Variants in WNK3 observed in about 807,000 individuals in gnomAD.
WNK3 encodes WNK lysine deficient protein kinase 3.
WNK3 carries 18 observed loss-of-function variants against 116.7 expected under a neutral mutation model. That is an observed-to-expected ratio of 0.15 (90% CI 0.11 to 0.23). The LOEUF (loss-of-function observed/expected upper bound fraction) is 0.23, where lower values mean the gene tolerates loss of function less well. WNK3 is among the 10% of genes least tolerant of loss of function. The probability of loss-of-function intolerance (pLI) is 1.00; values close to 1 mark genes in which losing one functional copy is unlikely to be tolerated. For synonymous variants in WNK3, 404 were observed against 469.4 expected (o/e 0.86, Z 1.80); for missense variants, 993 against 1,323.8 (o/e 0.75, Z 3.88).
intron 7 of WNK3, among the ~76,000 whole-genome samples, chrX:54,296,750 G>C (rs989289634): frequency 9.0e-6 from 1 of 111,066 alleles, no homozygotes; most frequent in Admixed American, 9.6e-5. Context: ...CAGATGGTTT[G>C]TACTCGGCTG....
intron 8 of WNK3, among the ~76,000 whole-genome samples, chrX:54,293,886 G>T (rs958238455): frequency 8.9e-6 from 1 of 112,019 alleles, no homozygotes; most frequent in Admixed American, 9.5e-5. Context: ...TTTATTAAAC[G>T]ATGTACGTGG....
chrX:54,264,688 T>C (rs782788522), intron 10 of WNK3, among the ~76,000 whole-genome samples: 2 of 111,037 alleles, frequency 1.8e-5, no homozygotes, highest in East Asian at 2.8e-4. Context: ...TAGAACTGAA[T>C]TGAGGGGAGC....
chrX:54,283,633 G>A (rs984701446), intron 10 of WNK3, among the ~76,000 whole-genome samples: 5 of 109,168 alleles, frequency 4.6e-5, no homozygotes, highest in African/African-American at 1.7e-4. Flanking sequence ...GCCGGGCGTG[G>A]TGGCAGGCGC....
chrX:54,312,564 A>G (rs2068900439), intron 2 of WNK3, among the ~76,000 whole-genome samples: 1 of 109,334 alleles, frequency 9.1e-6, no homozygotes, highest in Non-Finnish European at 1.9e-5. Flanking sequence ...CAGCCTCTTG[A>G]GTAGCTGGGA....
In WNK3 at chrX:54,234,244, C is replaced by T. The variant is rs782476765; in HGVS notation, c.4629-1224G>A. On this transcript the variant is annotated intron_variant, in intron 20 of 23. Coordinates refer to ENST00000354646, the Ensembl canonical transcript of WNK3. ...TTAAATATTAGCTGGATGTGTTACA[C>T]GTCTGTAGGCCCAGATACTTGGGAA... 1.7e-4 allele frequency among the ~76,000 whole-genome samples: 19 copies of T among 109,910 alleles called. 1 individual carries two copies. In the South Asian group the frequency reaches 6.0e-3, roughly 35 times the overall value.
chrX:54,243,072 CT>C (rs1355319715), intron 17 of WNK3, among the ~76,000 whole-genome samples: 1 of 110,053 alleles, frequency 9.1e-6, no homozygotes, highest in Non-Finnish European at 1.9e-5. Flanking sequence ...CTTGGCTTCC[CT>C]AAATCCTGGG....
At chrX:54,233,126 A>G (rs2067920476) in intron 20 of WNK3, 106 bp from the exon 21 acceptor site, 2 of 607,572 alleles carry the variant, frequency 3.3e-6, no homozygotes, top group Non-Finnish European at 5.1e-6. Flanking sequence ...AATTTAGATT[A>G]AGAATGGGGA....
rs1316700519 is a variant in WNK3 at position 54,281,431 on chromosome X, C to G, written c.2037+11457G>C. Among the ~76,000 whole-genome samples the G allele has an allele frequency of 2.7e-5, 3 of 111,314 alleles. No homozygotes were observed. In the Admixed American group the frequency reaches 2.9e-4, roughly 11 times the overall value. ...ACCCAGGAGGCAGAGGTTGTGTGAG[C>G]CAAGATTGCACCCCTGCACTCCAGC... On this transcript the variant is annotated intron_variant, in intron 10 of 23. Transcript: ENST00000354646.
At chrX:54,221,320 G>T (rs1041187863) in intron 22 of WNK3, among the ~76,000 whole-genome samples, 3 of 111,941 alleles carry the variant, frequency 2.7e-5, no homozygotes, top group Non-Finnish European at 5.6e-5. Context: ...CAGTATAAAT[G>T]TACTTTGTAT....
At chrX:54,231,714 C>A (rs1449774335) in intron 21 of WNK3, among the ~76,000 whole-genome samples, 1 of 112,096 alleles carries the variant, frequency 8.9e-6, no homozygotes, top group Non-Finnish European at 1.9e-5. Context: ...TTAATCCCAT[C>A]TGCAAGCTTA....
chrX:54,233,656 T>C (rs1557149563), intron 20 of WNK3, among the ~76,000 whole-genome samples: 1 of 109,474 alleles, frequency 9.1e-6, no homozygotes, highest in African/African-American at 3.3e-5. Context: ...TAAAACAAAA[T>C]GTAAAGTCAA....
At chrX:54,263,146 G>A (rs2146983348) in intron 10 of WNK3, among the ~76,000 whole-genome samples, 1 of 110,704 alleles carries the variant, frequency 9.0e-6, no homozygotes, top group South Asian at 3.9e-4. Flanking sequence ...AGCCCCAGAA[G>A]GGGAGATGGG....
chrX:54,213,561 AAAACAAAC>A lies in WNK3; in HGVS notation c.4871-11376_4871-11369del, dbSNP rs1230371795. On this transcript the variant is annotated intron_variant, in intron 22 of 23. Transcript: ENST00000354646. ...AGAGTGAGACTCCGTCTCAAAAAAA[AAAACAAAC>A]AAAAAAAAAAAAACTAGGGGAAAAA... Among the ~76,000 whole-genome samples the A allele has an allele frequency of 9.2e-5, 9 of 98,199 alleles. 1 individual carries two copies. The highest frequency in any genetic ancestry group is 4.0e-4 in the African/African-American group (9 of 22,241). The allele number at this position is 98,199 out of a possible 115,157, so 85.3% of individuals were successfully genotyped here.
chrX:54,314,158 A>G (rs923177618), intron 2 of WNK3, among the ~76,000 whole-genome samples: 79 of 100,462 alleles, frequency 7.9e-4, no homozygotes, highest in African/African-American at 2.8e-3. Context: ...ATGCCACTGC[A>G]CTCCAGCCTG....
At chrX:54,266,472 C>T (rs1391686729) in intron 10 of WNK3, among the ~76,000 whole-genome samples, 1 of 111,087 alleles carries the variant, frequency 9.0e-6, no homozygotes, top group Non-Finnish European at 1.9e-5. Context: ...AGGATAAATG[C>T]TTGAGGTGAT....
chrX:54,274,757 A>G (rs1443206481), intron 10 of WNK3, among the ~76,000 whole-genome samples: 2 of 111,115 alleles, frequency 1.8e-5, no homozygotes, highest in East Asian at 5.7e-4. Context: ...TATAATCCCA[A>G]CACTTTGGGA....
intron 22 of WNK3, among the ~76,000 whole-genome samples, chrX:54,218,525 G>A (rs185437666): frequency 1.3e-3 from 132 of 105,099 alleles, no homozygotes; most frequent in African/African-American, 4.5e-3. Flanking sequence ...CAAGAAAACA[G>A]GTTGATGAAG....
chrX:54,226,434 C>T (rs782186220), intron 22 of WNK3, among the ~76,000 whole-genome samples: 2 of 91,601 alleles, frequency 2.2e-5, no homozygotes, highest in South Asian at 1.1e-3. Flanking sequence ...TGTGCCACGG[C>T]ACTCCAGCCT....
exon 20 of WNK3, chrX:54,237,494 T>C (rs1156555298): frequency 2.5e-6 from 3 of 1,181,351 alleles, no homozygotes; most frequent in Non-Finnish European, 2.3e-6. Flanking sequence ...AACACTGATA[T>C]GTGTTCTATT....
Sources: allele counts gnomAD v4.1 joint callset (sites outside exome capture counted in the v4.1 genomes callset), GRCh38; gene constraint gnomAD v4.1.1; transcripts MANE v1.5; gene names NCBI Gene and HGNC (gene_info 2026-07-23, HGNC 2026-07-21).